The following CELF2 variants were observed in gnomAD, a reference collection of about 807,000 sequenced individuals.
CELF2 encodes the protein CUGBP Elav-like family member 2, also known as CUG triplet repeat RNA-binding protein 2.
In CELF2, 8 loss-of-function variants were observed where a neutral mutation model predicts 62.6. The ratio of observed to expected loss-of-function variants is 0.13; its 90% CI spans 0.07 to 0.23. CELF2 has a LOEUF of 0.23. Ranked by LOEUF, CELF2 falls within the 10% of genes least tolerant of loss-of-function variation. The pLI is 1.00. For synonymous variants in CELF2, 258 were observed against 250.0 expected (o/e 1.03, Z -0.30); for missense variants, 333 against 671.0 (o/e 0.50, Z 5.56).
At position 10,936,228 on chromosome 10, in the gene CELF2, G is replaced by C. The variant is rs117930844; in HGVS notation, c.89+16229G>C. On this transcript the variant is annotated intron_variant, in intron 2 of 13. Coordinates refer to the CELF2 transcript ENST00000636488. This position sits in a 1 kb window ranked among gnomAD's most constrained non-coding sequence, Gnocchi z 4.0. ...GAAACAATAAGTCTTGCAGAGGTTA[G>C]AAAGAAGGTAAAGAAATGGTTACTT... 6.6e-5 allele frequency among the ~76,000 whole-genome samples: 10 copies of C among 152,130 alleles called. No individual in the cohort carries two copies. The highest frequency in any genetic ancestry group is 2.4e-4 in the African/African-American group (10 of 41,430).
chr10:11,031,542 A>G (rs1316969131), intron 1 of CELF2, among the ~76,000 whole-genome samples: 1 of 152,200 alleles, frequency 6.6e-6, no homozygotes, highest in Non-Finnish European at 1.5e-5. Flanking sequence ...CCCACAAACC[A>G]TTTCATACTG....
chr10:10,917,689 T>C (rs893627204), intron 1 of CELF2, among the ~76,000 whole-genome samples: 1 of 152,190 alleles, frequency 6.6e-6, no homozygotes, highest in African/African-American at 2.4e-5. Flanking sequence ...AGTGGACATT[T>C]AGCATTGTCT....
rs1488493555 is a variant in CELF2 at position 11,098,823 on chromosome 10, A to G, written c.75-66663A>G. Among the ~76,000 whole-genome samples the G allele has an allele frequency of 6.6e-6, 1 of 152,166 alleles. No individual in the cohort carries two copies. The highest frequency in any genetic ancestry group is 1.5e-5 in the Non-Finnish European group (1 of 68,024). Reference sequence around the variant, plus strand: ...TTTGACCGAGGCTTCTTGGCTCTGCACCGGGTGATAATTCTACCTGGGCAG... The same window carrying G: ...TTTGACCGAGGCTTCTTGGCTCTGCGCCGGGTGATAATTCTACCTGGGCAG... On this transcript the variant is annotated intron_variant, in intron 1 of 12. Coordinates refer to ENST00000633077, the MANE Select transcript of CELF2 (RefSeq NM_001326342.2). This position sits in a 1 kb window ranked among gnomAD's most constrained non-coding sequence, Gnocchi z 4.0.
At chr10:11,120,014 C>G (rs1407299008) in intron 1 of CELF2, among the ~76,000 whole-genome samples, 1 of 151,996 alleles carries the variant, frequency 6.6e-6, no homozygotes. Flanking sequence ...TTTATGCTTC[C>G]ATTTCCCAGC....
Position 10,972,245 on chromosome 10 carries a change from A to G in CELF2, c.89+52246A>G, listed in dbSNP as rs1298369996. The stretch of plus-strand genomic sequence containing the variant: ...CCAAAGAACACAACTTTTGAAGGAT[A>G]TGAATAGGTTTTATAGAAAATGAAG... On this transcript the variant is annotated intron_variant, in intron 2 of 13. Coordinates refer to the CELF2 transcript ENST00000636488. This position sits in a 1 kb window ranked among gnomAD's most constrained non-coding sequence, Gnocchi z 4.4. 6.6e-6 allele frequency among the ~76,000 whole-genome samples: 1 copy of G among 152,236 alleles called. No individual in the cohort carries two copies. The highest frequency in any genetic ancestry group is 2.4e-5 in the African/African-American group (1 of 41,458).
chr10:10,931,820 G>A lies in CELF2; in HGVS notation c.89+11821G>A, dbSNP rs1311339455. On this transcript the variant is annotated intron_variant, in intron 2 of 13. Coordinates refer to the CELF2 transcript ENST00000636488. This position sits in a 1 kb window ranked among gnomAD's most constrained non-coding sequence, Gnocchi z 6.1. ...ACTGAGTAATTTATAAAGACATGAGGTTTAATGGACTCACAGTTCCACATG... is the reference window on the plus strand; with the variant it reads ...ACTGAGTAATTTATAAAGACATGAGATTTAATGGACTCACAGTTCCACATG... Among the ~76,000 whole-genome samples, 2 of 152,152 alleles carry A rather than the reference G, an allele frequency of 1.3e-5. No individual in the cohort carries two copies. Among genetic ancestry groups the A allele is most frequent in the Non-Finnish European group, 2.9e-5 (2 of 68,028 alleles).
chr10:11,268,866 G>A lies in CELF2; in HGVS notation c.619-1800G>A, dbSNP rs2082910228. 6.6e-6 allele frequency among the ~76,000 whole-genome samples: 1 copy of A among 152,118 alleles called. No individual in the cohort carries two copies. The highest frequency in any genetic ancestry group is 6.6e-5 in the Admixed American group (1 of 15,262). Reference sequence around the variant, plus strand: ...ATTCACAATGATGTGAATGTTGAAAGAACAAGGTCTTAAAAACAATTAATT... The same window carrying A: ...ATTCACAATGATGTGAATGTTGAAAAAACAAGGTCTTAAAAACAATTAATT... On this transcript the variant is annotated intron_variant, in intron 6 of 12. Transcript: ENST00000633077. This position sits in a 1 kb window ranked among gnomAD's most constrained non-coding sequence, Gnocchi z 4.7.
the CELF2 span, among the ~76,000 whole-genome samples, chr10:10,469,599 T>G: frequency 1.3e-5 from 2 of 151,936 alleles, no homozygotes; most frequent in Non-Finnish European, 2.9e-5. Context: ...AGATACCAGT[T>G]GTCACCTTGC....
chr10:10,889,343 G>A (rs2061976717), intron 1 of CELF2, among the ~76,000 whole-genome samples: 1 of 152,104 alleles, frequency 6.6e-6, no homozygotes, highest in South Asian at 2.1e-4. Flanking sequence ...CCACTTATGG[G>A]GCTCTGAGGT....
intron 1 of CELF2, among the ~76,000 whole-genome samples, chr10:11,146,806 C>A (rs568476548): frequency 6.6e-6 from 1 of 152,338 alleles, no homozygotes; most frequent in East Asian, 1.9e-4. Context: ...TAGCCACATC[C>A]CCAGGTGTGT....
chr10:10,731,144 A>ATTAAATATT, the CELF2 span, among the ~76,000 whole-genome samples: 1 of 152,132 alleles, frequency 6.6e-6, no homozygotes, highest in Non-Finnish European at 1.5e-5. Flanking sequence ...TTGATTGAAC[A>ATTAAATATT]TTAAATATTG....
At chr10:10,854,151 T>C (rs941194821) in intron 1 of CELF2, among the ~76,000 whole-genome samples, 1 of 152,210 alleles carries the variant, frequency 6.6e-6, no homozygotes, top group Non-Finnish European at 1.5e-5. Context: ...ATATCAGATA[T>C]GTCTGGAGGA....
Position 11,288,568 on chromosome 10 carries a change from GC to G in CELF2, c.976+17del. 1 of 1,612,352 alleles carries G rather than the reference GC, an allele frequency of 6.2e-7. No homozygotes were observed. The highest frequency in any genetic ancestry group is 8.5e-7 in the Non-Finnish European group (1 of 1,179,506). ...ACGAGTCCCGGTGAGTGTGGGGGGT[GC>G]TCTTCCCTTGCAGGTGATGCAGCAG... On this transcript the variant is annotated intron_variant, in intron 9 of 12. Coordinates refer to ENST00000633077, the MANE Select transcript of CELF2 (RefSeq NM_001326342.2).
At chr10:11,262,375 A>AC (rs1221762608) in intron 5 of CELF2, among the ~76,000 whole-genome samples, 3 of 152,198 alleles carry the variant, frequency 2.0e-5, no homozygotes, top group African/African-American at 7.2e-5. Flanking sequence ...TGCTGTCTCA[A>AC]AACAACAACA....
At chr10:11,142,437 C>G (rs1032253589) in intron 1 of CELF2, among the ~76,000 whole-genome samples, 7 of 152,118 alleles carry the variant, frequency 4.6e-5, no homozygotes, top group African/African-American at 1.7e-4. Context: ...GTAATCCCAG[C>G]ACTTTGGGAG....
chr10:10,712,714 C>T, the CELF2 span, among the ~76,000 whole-genome samples: 5 of 152,184 alleles, frequency 3.3e-5, no homozygotes, highest in Admixed American at 6.5e-5. Flanking sequence ...ATATTCACTT[C>T]TACCCATTAG....
chr10:10,541,059 T>C, the CELF2 span, among the ~76,000 whole-genome samples: 1 of 151,502 alleles, frequency 6.6e-6, no homozygotes, highest in East Asian at 1.9e-4. Flanking sequence ...CTGGCTAACA[T>C]GGTGAAACCC....
At chr10:10,545,052 C>T in the CELF2 span, among the ~76,000 whole-genome samples, 1 of 152,166 alleles carries the variant, frequency 6.6e-6, no homozygotes, top group Non-Finnish European at 1.5e-5. Context: ...TTTTCTGTTT[C>T]CCTTTGATAC....
At chr10:11,198,403 C>G (rs1314676149) in intron 2 of CELF2, among the ~76,000 whole-genome samples, 1 of 152,186 alleles carries the variant, frequency 6.6e-6, no homozygotes, top group African/African-American at 2.4e-5. Context: ...AGTCTGGAAG[C>G]TTTAGAGCAA....
Sources: gnomAD v4.1 joint callset for allele counts (sites outside exome capture counted in the v4.1 genomes callset) on GRCh38, gnomAD v4.1.1 for gene constraint, Gnocchi (gnomAD v3.1) non-coding constraint, MANE v1.5 for transcripts, NCBI Gene and HGNC (gene_info 2026-07-23, HGNC 2026-07-21) for gene names.